The following CA7 variants were observed in gnomAD, a reference collection of about 807,000 sequenced individuals.
The protein encoded by CA7 is carbonate dehydratase VII.
CA7 carries 13 observed loss-of-function variants against 31.4 expected under a neutral mutation model. The ratio of observed to expected loss-of-function variants is 0.41; its 90% confidence interval spans 0.27 to 0.66. The LOEUF is 0.66. Among genes scored for constraint, CA7 ranks in the 30% least tolerant of loss-of-function variants. The pLI, the probability that CA7 is intolerant of heterozygous loss-of-function variation, is 0.28. For synonymous variants in CA7, 128 were observed against 133.2 expected (o/e 0.96, Z 0.27); for missense variants, 215 against 351.0 (o/e 0.61, Z 3.10).
At chr16:66,845,134 A>G in intron 1 of CA7, 1 of 985,488 alleles carries the variant, frequency 1.0e-6, no homozygotes, top group African/African-American at 1.7e-5. Flanking sequence ...GAGTCGTGGG[A>G]GCCCGTGGCC....
At position 66,853,712 on chromosome 16, in the gene CA7, G is replaced by C. The variant is rs913682777; in HGVS notation, c.*214G>C. On this transcript the variant is annotated 3_prime_UTR_variant, in exon 7 of 7. Transcript: ENST00000338437. This position sits in a 1 kb window ranked among gnomAD's most constrained non-coding sequence, Gnocchi z 4.5. ...TGGGGACAGGAAGGACAGGAGCTAAGCAGGGTCCAAGCCTGGGGCTGCCTC... is the reference window on the plus strand; with the variant it reads ...TGGGGACAGGAAGGACAGGAGCTAACCAGGGTCCAAGCCTGGGGCTGCCTC... The C allele has an allele frequency of 4.9e-6, 3 of 606,324 alleles. No homozygotes were observed. In the African/African-American group the frequency reaches 5.5e-5, roughly 11 times the overall value. The allele number at this position is 606,324 out of a possible 1,614,324, so 37.6% of individuals were successfully genotyped here.
chr16:66,851,352 C>T (rs1370671497), intron 3 of CA7, 111 bp from the exon 4 acceptor site: 1 of 917,974 alleles, frequency 1.1e-6, no homozygotes, highest in Non-Finnish European at 1.8e-6. Context: ...GGCTTGACAG[C>T]TTCCCCTTCC....
In CA7 at chr16:66,853,713, C is replaced by A; in HGVS notation, c.*215C>A. The A allele has an allele frequency of 1.7e-6, 1 of 603,782 alleles. No individual in the cohort carries two copies. 37.4% of individuals were successfully genotyped at this position (603,782 alleles called of 1,614,324 possible). ...GGGGACAGGAAGGACAGGAGCTAAG[C>A]AGGGTCCAAGCCTGGGGCTGCCTCT... is the stretch of plus-strand genomic sequence containing the variant. On this transcript the variant is annotated 3_prime_UTR_variant, in exon 7 of 7. Coordinates refer to ENST00000338437, the MANE Select transcript of CA7 (RefSeq NM_005182.3). This position sits in a 1 kb window ranked among gnomAD's most constrained non-coding sequence, Gnocchi z 4.5.
At chr16:66,852,956 C>A in intron 6 of CA7, 89 bp downstream of exon 6, 1 of 1,181,406 alleles carries the variant, frequency 8.5e-7, no homozygotes, top group Non-Finnish European at 1.2e-6. Flanking sequence ...CCCCACAGCC[C>A]GTGATCCCAC....
intron 2 of CA7, among the ~76,000 whole-genome samples, 197 bp downstream of exon 2, chr16:66,847,424 A>AG (rs1218648107): frequency 6.6e-6 from 1 of 152,228 alleles, no homozygotes; most frequent in African/African-American, 2.4e-5. Context: ...TAGGTCATAG[A>AG]GGGGAAAAAT....
chr16:66,852,094 G>A (rs1290505276), intron 5 of CA7, among the ~76,000 whole-genome samples: 1 of 152,184 alleles, frequency 6.6e-6, no homozygotes, highest in East Asian at 1.9e-4. Flanking sequence ...GCTGGAAGAT[G>A]GCATCTGGGA....
intron 1 of CA7, among the ~76,000 whole-genome samples, chr16:66,846,652 C>T (rs1960934727): frequency 6.6e-6 from 1 of 152,068 alleles, no homozygotes; most frequent in African/African-American, 2.4e-5. Context: ...CACCAAATTG[C>T]CCAAGGCACA....
chr16:66,851,795 C>T, intron 5 of CA7, 69 bp downstream of exon 5: 1 of 1,357,334 alleles, frequency 7.4e-7, no homozygotes, highest in Non-Finnish European at 1.0e-6. Context: ...ACAAGTTGGG[C>T]CCTTCCAGTC....
chr16:66,852,779 C>G lies in CA7; in HGVS notation c.584C>G (p.Thr195Ser). Residue 195 changes from threonine (T) to serine (S), a missense_variant, in exon 6 of 7, where the codon ACC becomes AGC. Thr to Ser is a moderately conservative substitution (Grantham distance 58). Coordinates refer to ENST00000338437, the MANE Select transcript of CA7 (RefSeq NM_005182.3). The stretch of plus-strand genomic sequence containing the variant: ...CTGCCTGCCAGCCGGCACTACTGGA[C>G]CTACCCGGGCTCTCTGACGACTCCC... ...CLLPASRHYW[T>S]YPGSLTTPPL... is the part of the protein sequence containing the mutation. 1.2e-6 allele frequency: 2 copies of G among 1,614,068 alleles called. No individual in the cohort carries two copies. Among genetic ancestry groups the G allele is most frequent in the Non-Finnish European group, 1.7e-6 (2 of 1,180,002 alleles).
chr16:66,849,799 G>T (rs780558858), intron 2 of CA7, among the ~76,000 whole-genome samples: 1 of 152,190 alleles, frequency 6.6e-6, no homozygotes, highest in Non-Finnish European at 1.5e-5. Context: ...AGGGACAGGG[G>T]TCTAGGGGGC....
chr16:66,844,672 C>T, intron 1 of CA7, 145 bp downstream of exon 1: 3 of 696,192 alleles, frequency 4.3e-6, no homozygotes, highest in Non-Finnish European at 6.7e-6. Flanking sequence ...TCCCGGCCCC[C>T]GAACTTGGCC....
Position 66,853,230 on chromosome 16 carries a change from G to A in CA7, c.673-146G>A, listed in dbSNP as rs111546164. ...AAATGAGGGTCCTGCAGAGAAAAATGAGTGGGGAAGAGTAGGGACAGACCC... is the reference window on the plus strand; with the variant it reads ...AAATGAGGGTCCTGCAGAGAAAAATAAGTGGGGAAGAGTAGGGACAGACCC... On this transcript the variant is annotated intron_variant, in intron 6 of 6. Transcript: ENST00000338437. The surrounding 1 kb of genome is among the most constrained non-coding windows in gnomAD (Gnocchi z 4.5). 8.2e-6 allele frequency: 8 copies of A among 970,816 alleles called. No individual in the cohort carries two copies. The highest frequency in any genetic ancestry group is 2.5e-5 in the Admixed American group (1 of 39,472). 60.1% of individuals were successfully genotyped at this position (970,816 alleles called of 1,614,324 possible). A position where few individuals can be genotyped will look rare whatever the true frequency, so the allele number is the denominator to read the frequency against.
At chr16:66,846,304 A>C (rs1960927893) in intron 1 of CA7, among the ~76,000 whole-genome samples, 1 of 152,044 alleles carries the variant, frequency 6.6e-6, no homozygotes, top group South Asian at 2.1e-4. Context: ...TGTAGTCTGC[A>C]GGGCTGTGTG....
chr16:66,847,218 G>T lies in CA7; in HGVS notation c.229G>T (p.Asp77Tyr). ...CCAGGTAGACTTCAATGACAGCGATGACCGAACCGGTAAGTGGCCCCTGCC... is the reference window on the plus strand; with the variant it reads ...CCAGGTAGACTTCAATGACAGCGATTACCGAACCGGTAAGTGGCCCCTGCC... ...SVQVDFNDSD[D>Y]RTVVTGGPLE... The change falls in exon 2 of 7, where the codon GAC (aspartate) becomes TAC (tyrosine). Residue 77 changes from aspartate (D) to tyrosine (Y), a missense_variant. Physicochemically the swap from Asp to Tyr is radical, Grantham distance 160 (BLOSUM62 -3). Transcript: ENST00000338437. 2.5e-6 allele frequency: 4 copies of T among 1,614,166 alleles called. No individual in the cohort carries two copies. The South Asian group carries it at 4.4e-5, about 18-fold the overall frequency.
At position 66,845,204 on chromosome 16, in the gene CA7, A is replaced by G. The variant is rs529254965; in HGVS notation, c.40+677A>G. 9 of 985,462 alleles carry G rather than the reference A, an allele frequency of 9.1e-6. No homozygotes were observed. In the South Asian group the frequency reaches 4.2e-4, roughly 46 times the overall value. The allele number at this position is 985,462 out of a possible 1,614,324, so 61.0% of individuals were successfully genotyped here. Reference sequence around the variant, plus strand: ...TCCTTCATCCTGCCTCAGTTTCCTTAGGACTCAGAGAAAGGGAGAAGAGGC... The same window carrying G: ...TCCTTCATCCTGCCTCAGTTTCCTTGGGACTCAGAGAAAGGGAGAAGAGGC... On this transcript the variant is annotated intron_variant, in intron 1 of 6. Coordinates refer to ENST00000338437, the MANE Select transcript of CA7 (RefSeq NM_005182.3).
chr16:66,847,370 C>G, intron 2 of CA7, 143 bp downstream of exon 2: 1 of 710,414 alleles, frequency 1.4e-6, no homozygotes, highest in Non-Finnish European at 2.4e-6. Context: ...GGCTGATCTT[C>G]AGTCTCCTTA....
intron 5 of CA7, 140 bp from the exon 6 acceptor site, chr16:66,852,569 AAAG>A: frequency 1.8e-6 from 1 of 555,666 alleles, no homozygotes; most frequent in Admixed American, 4.1e-5. Flanking sequence ...AAAGAAAGAA[AAAG>A]AAAGAAAAGA....
At chr16:66,846,174 G>GGTGTGTGT (rs4000639) in intron 1 of CA7, among the ~76,000 whole-genome samples, 1 of 147,366 alleles carries the variant, frequency 6.8e-6, no homozygotes, top group Non-Finnish European at 1.5e-5. Context: ...TGTGTATGCA[G>GGTGTGTGT]GTGTGTGTGT....
In CA7 at chr16:66,853,178, A is replaced by G. The variant is rs1287154447; in HGVS notation, c.673-198A>G. On this transcript the variant is annotated intron_variant, in intron 6 of 6. Transcript: ENST00000338437. This position sits in a 1 kb window ranked among gnomAD's most constrained non-coding sequence, Gnocchi z 4.5. ...GCTTGGAACTAGAACTAGGTAAAGC[A>G]GAGCCCAGACCCTTTAGTGAGTAAA... Among the ~76,000 whole-genome samples the G allele has an allele frequency of 6.6e-6, 1 of 152,228 alleles. No homozygotes were observed. The highest frequency in any genetic ancestry group is 1.5e-5 in the Non-Finnish European group (1 of 68,052).
Sources: allele counts gnomAD v4.1 joint callset (sites outside exome capture counted in the v4.1 genomes callset), GRCh38; gene constraint gnomAD v4.1.1; non-coding constraint Gnocchi (gnomAD v3.1); transcripts MANE v1.5; gene names NCBI Gene and HGNC (gene_info 2026-07-23, HGNC 2026-07-21).